Variants in FAM174A observed in about 807,000 individuals in gnomAD.
The protein encoded by FAM174A is family with sequence similarity 174 member A, also known as membrane protein FAM174A.
FAM174A carries 14 observed loss-of-function variants against 14.3 expected under a neutral mutation model. That is an observed-to-expected ratio of 0.98 (90% CI 0.65 to 1.53). The LOEUF is 1.53. FAM174A is among the 40% of genes most tolerant of loss of function. The pLI, the probability that FAM174A is intolerant of heterozygous loss-of-function variation, is 0.00. For missense variants in FAM174A, 241 were observed against 249.6 expected (o/e 0.97, Z 0.23); for synonymous variants, 108 against 111.4 (o/e 0.97, Z 0.19).
intron 2 of FAM174A, among the ~76,000 whole-genome samples, chr5:100,567,934 A>C (rs1746696923): frequency 6.6e-6 from 1 of 152,002 alleles, no homozygotes; most frequent in Admixed American, 6.6e-5. Context: ...AACATTTTAC[A>C]ATCATGAAAA....
At chr5:100,574,085 T>G (rs1277194169) in intron 2 of FAM174A, among the ~76,000 whole-genome samples, 1 of 152,220 alleles carries the variant, frequency 6.6e-6, no homozygotes, top group African/African-American at 2.4e-5. Context: ...TTATTTTTAT[T>G]TGATTAATGA....
At chr5:100,539,617 A>G (rs977034306) in intron 1 of FAM174A, among the ~76,000 whole-genome samples, 1 of 152,164 alleles carries the variant, frequency 6.6e-6, no homozygotes, top group South Asian at 2.1e-4. Context: ...AAAGTAGGTA[A>G]TATCATTCTT....
At chr5:100,560,661 C>T (rs373003879) in intron 1 of FAM174A, among the ~76,000 whole-genome samples, 3 of 152,108 alleles carry the variant, frequency 2.0e-5, no homozygotes, top group South Asian at 4.1e-4. Context: ...TGTTTGTTTT[C>T]CAGGAGCTTC....
intron 2 of FAM174A, among the ~76,000 whole-genome samples, chr5:100,578,283 T>C (rs1473657131): frequency 6.6e-6 from 1 of 152,172 alleles, no homozygotes; most frequent in Non-Finnish European, 1.5e-5. Flanking sequence ...GCTTCTGTTA[T>C]TGACTGAATG....
chr5:100,535,540 T>A lies in FAM174A; in HGVS notation c.10T>A (p.Ser4Thr), dbSNP rs142597545. The change falls in exon 1 of 3, where the codon TCG becomes ACG. Residue 4 changes from serine to threonine, a missense_variant. By Grantham distance (58) the Ser-to-Thr change is moderately conservative (BLOSUM62 1). Coordinates refer to ENST00000312637, the MANE Select transcript of FAM174A (RefSeq NM_198507.3). The stretch of plus-strand genomic sequence containing the variant: ...GAGCGGTCCGGGAACGATGAAGGCC[T>A]CGCAGTGCTGCTGCTGTCTCAGCCA... MKASQCCCCLSHLL... is the reference protein window; with the variant it reads MKATQCCCCLSHLL... 1,053 of 1,612,934 alleles carry A rather than the reference T, an allele frequency of 6.5e-4. 4 individuals carry two copies. The Middle Eastern group carries it at 0.01, about 16-fold the overall frequency.
intron 2 of FAM174A, among the ~76,000 whole-genome samples, chr5:100,572,330 C>A (rs1373449964): frequency 1.3e-5 from 2 of 148,556 alleles, no homozygotes; most frequent in African/African-American, 5.0e-5. Context: ...ATACATGTGC[C>A]ATGCTGGTGC....
At chr5:100,550,956 A>G (rs1026916757) in intron 1 of FAM174A, among the ~76,000 whole-genome samples, 1 of 152,128 alleles carries the variant, frequency 6.6e-6, no homozygotes, top group African/African-American at 2.4e-5. Context: ...AAGATGAGCC[A>G]TCCTGTGCTC....
At chr5:100,566,141 G>GATAGATATATATATAT (rs558236562) in intron 2 of FAM174A, among the ~76,000 whole-genome samples, 1,939 of 81,672 alleles carry the variant, frequency 0.024, 109 homozygotes, top group Admixed American at 0.036. Flanking sequence ...TGAAAAGTAT[G>GATAGATATATATATAT]ATATATATAT....
intron 2 of FAM174A, among the ~76,000 whole-genome samples, chr5:100,584,703 G>T (rs1580381065): frequency 6.6e-6 from 1 of 152,150 alleles, no homozygotes; most frequent in East Asian, 1.9e-4. Flanking sequence ...AGATAAAAAA[G>T]TTATTTCAAA....
At chr5:100,549,577 G>A (rs1258754302) in intron 1 of FAM174A, among the ~76,000 whole-genome samples, 1 of 151,802 alleles carries the variant, frequency 6.6e-6, no homozygotes, top group Non-Finnish European at 1.5e-5. Context: ...CAAGGTTGCA[G>A]TGTCCTGAAC....
intron 2 of FAM174A, among the ~76,000 whole-genome samples, chr5:100,580,379 A>G (rs918548461): frequency 9.9e-5 from 15 of 152,214 alleles, no homozygotes; most frequent in African/African-American, 3.1e-4. Context: ...ATGGGAATTT[A>G]CTAAGTATTA....
intron 2 of FAM174A, among the ~76,000 whole-genome samples, chr5:100,565,689 G>A (rs1746628812): frequency 6.6e-6 from 1 of 151,744 alleles, no homozygotes; most frequent in South Asian, 2.1e-4. Context: ...GCACTCCCAT[G>A]TTCACTGCAG....
chr5:100,572,014 C>A (rs2112395964), intron 2 of FAM174A, among the ~76,000 whole-genome samples: 1 of 151,948 alleles, frequency 6.6e-6, no homozygotes, highest in Middle Eastern at 3.4e-3. Context: ...TACCATTGAA[C>A]TGAAAAGATG....
intron 1 of FAM174A, among the ~76,000 whole-genome samples, 156 bp from the exon 2 acceptor site, chr5:100,561,898 G>A (rs1561318811): frequency 6.6e-6 from 1 of 151,872 alleles, no homozygotes; most frequent in Non-Finnish European, 1.5e-5. Context: ...GTTTCATGAA[G>A]TTTAATCCTA....
At chr5:100,569,464 C>T (rs929877239) in intron 2 of FAM174A, among the ~76,000 whole-genome samples, 1 of 151,582 alleles carries the variant, frequency 6.6e-6, no homozygotes, top group Non-Finnish European at 1.5e-5. Context: ...TATTCAATCA[C>T]CTATGGTTTG....
At chr5:100,574,810 A>T (rs1217298663) in intron 2 of FAM174A, among the ~76,000 whole-genome samples, 4 of 152,190 alleles carry the variant, frequency 2.6e-5, no homozygotes, top group Admixed American at 6.5e-5. Context: ...GGGAATTTTT[A>T]TTTCTGGCCT....
intron 2 of FAM174A, among the ~76,000 whole-genome samples, chr5:100,576,261 A>C (rs1298616771): frequency 6.6e-6 from 1 of 151,930 alleles, no homozygotes; most frequent in South Asian, 2.1e-4. Context: ...GTTTTTTTTC[A>C]TGTAACAGAA....
chr5:100,579,291 C>G (rs1746960726), intron 2 of FAM174A, among the ~76,000 whole-genome samples: 1 of 152,138 alleles, frequency 6.6e-6, no homozygotes, highest in Non-Finnish European at 1.5e-5. Context: ...TCTCCTCTCT[C>G]TTCACTTCAA....
chr5:100,545,106 G>C (rs1002473407), intron 1 of FAM174A, among the ~76,000 whole-genome samples: 9 of 152,132 alleles, frequency 5.9e-5, no homozygotes, highest in Non-Finnish European at 1.2e-4. Flanking sequence ...GATCTCCAGT[G>C]CCCATTGTAG....
Sources: allele counts gnomAD v4.1 joint callset (sites outside exome capture counted in the v4.1 genomes callset), GRCh38; gene constraint gnomAD v4.1.1; transcripts MANE v1.5; gene names NCBI Gene and HGNC (gene_info 2026-07-23, HGNC 2026-07-21).